Variants in CNTNAP2 observed in about 807,000 individuals in gnomAD.
CNTNAP2 encodes the protein contactin associated protein 2.
Under a neutral mutation model 155.2 loss-of-function variants are expected in CNTNAP2, and 98 were observed. The ratio of observed to expected loss-of-function variants is 0.63; its 90% CI spans 0.54 to 0.75. The LOEUF (loss-of-function observed/expected upper bound fraction) is 0.75. Among genes scored for constraint, CNTNAP2 ranks in the 30% least tolerant of loss-of-function variants. The pLI, the probability that CNTNAP2 is intolerant of heterozygous loss-of-function variation, is 0.00. For missense variants in CNTNAP2, 1,727 were observed against 1,688.1 expected (o/e 1.02, Z -0.40); for synonymous variants, 651 against 631.2 (o/e 1.03, Z -0.47).
intron 5 of CNTNAP2, among the ~76,000 whole-genome samples, chr7:147,114,640 T>G (rs1430200142): frequency 6.6e-6 from 1 of 152,170 alleles, no homozygotes; most frequent in East Asian, 1.9e-4. Flanking sequence ...AACCCCTGCT[T>G]TTTTCTGTTT....
intron 1 of CNTNAP2, among the ~76,000 whole-genome samples, chr7:146,359,713 C>G (rs1006587466): frequency 1.3e-5 from 2 of 152,034 alleles, no homozygotes; most frequent in Non-Finnish European, 2.9e-5. Context: ...AATGTAATAG[C>G]ATATTTTATG....
At chr7:147,110,444 C>T (rs1277112103) in intron 5 of CNTNAP2, among the ~76,000 whole-genome samples, 3 of 151,758 alleles carry the variant, frequency 2.0e-5, no homozygotes, top group East Asian at 1.9e-4. Context: ...TGTGCCGTGA[C>T]GGTTGTCTGC....
intron 4 of CNTNAP2, among the ~76,000 whole-genome samples, chr7:147,076,234 T>G (rs988662312): frequency 2.6e-5 from 4 of 152,212 alleles, no homozygotes; most frequent in Non-Finnish European, 4.4e-5. Flanking sequence ...TTGAACTAGT[T>G]TACAGTCCCA....
At chr7:148,159,400 A>G (rs1805473275) in intron 17 of CNTNAP2, among the ~76,000 whole-genome samples, 1 of 152,010 alleles carries the variant, frequency 6.6e-6, no homozygotes, top group Non-Finnish European at 1.5e-5. Context: ...CATGCTTTAT[A>G]TGGGTGGCAT....
chr7:146,159,697 A>T (rs367796825), intron 1 of CNTNAP2, among the ~76,000 whole-genome samples: 4 of 152,348 alleles, frequency 2.6e-5, no homozygotes, highest in Admixed American at 1.3e-4. Context: ...TAACTATCCT[A>T]AATATATATG....
chr7:147,339,386 C>A (rs924923000), intron 9 of CNTNAP2, among the ~76,000 whole-genome samples: 2 of 151,988 alleles, frequency 1.3e-5, no homozygotes, highest in East Asian at 3.9e-4. Flanking sequence ...AATATGACTT[C>A]TTCTTTCATT....
At chr7:146,411,846 A>ATTTATTTATTTT (rs1554429873) in intron 1 of CNTNAP2, among the ~76,000 whole-genome samples, 39 of 85,180 alleles carry the variant, frequency 4.6e-4, no homozygotes, top group African/African-American at 1.1e-3. Flanking sequence ...TTATTTATTT[A>ATTTATTTATTTT]TTTTATTTGA....
chr7:146,683,366 G>A (rs937850860), intron 1 of CNTNAP2, among the ~76,000 whole-genome samples: 1 of 152,118 alleles, frequency 6.6e-6, no homozygotes, highest in Admixed American at 6.6e-5. Flanking sequence ...GTGATTTGGC[G>A]GGGAGTGGGA....
At chr7:147,553,774 C>G (rs751750720) in intron 11 of CNTNAP2, among the ~76,000 whole-genome samples, 31 of 152,008 alleles carry the variant, frequency 2.0e-4, no homozygotes, top group Non-Finnish European at 4.1e-4. Context: ...TGTAAGAGAC[C>G]AGTCTGGCCA....
At chr7:146,812,692 A>G (rs191090890) in intron 2 of CNTNAP2, among the ~76,000 whole-genome samples, 4 of 152,162 alleles carry the variant, frequency 2.6e-5, no homozygotes, top group Non-Finnish European at 4.4e-5. Flanking sequence ...AGAAATTTGC[A>G]TAAGTAACAT....
Position 148,003,011 on chromosome 7 carries a change from C to T in CNTNAP2, c.2383+25022C>T, listed in dbSNP as rs191014061. On this transcript the variant is annotated intron_variant, in intron 15 of 23. Transcript: ENST00000361727. ...GATGAAATGGGTATTTTGATCAGCACGGGGAGCAGTCAGTGGGCCTACAGA... is the reference window on the plus strand; with the variant it reads ...GATGAAATGGGTATTTTGATCAGCATGGGGAGCAGTCAGTGGGCCTACAGA... 1.9e-3 allele frequency among the ~76,000 whole-genome samples: 288 copies of T among 152,206 alleles called. 2 individuals carry two copies. The highest frequency in any genetic ancestry group is 2.6e-3 in the Non-Finnish European group (175 of 68,016).
At chr7:146,391,666 T>TTAC (rs1402272774) in intron 1 of CNTNAP2, among the ~76,000 whole-genome samples, 1 of 152,172 alleles carries the variant, frequency 6.6e-6, no homozygotes, top group Non-Finnish European at 1.5e-5. Flanking sequence ...TACATACCTG[T>TTAC]GGTATTTGGT....
chr7:146,342,701 G>C (rs1204952691), intron 1 of CNTNAP2, among the ~76,000 whole-genome samples: 1 of 152,100 alleles, frequency 6.6e-6, no homozygotes, highest in Non-Finnish European at 1.5e-5. Flanking sequence ...GAGTAATGCT[G>C]TGCTAAATAC....
intron 9 of CNTNAP2, among the ~76,000 whole-genome samples, chr7:147,323,910 A>G (rs1220814030): frequency 6.6e-6 from 1 of 152,124 alleles, no homozygotes; most frequent in African/African-American, 2.4e-5. Flanking sequence ...TGAGAGAAAA[A>G]TGGACCATTT....
chr7:148,383,535 A>G (rs1768038363), intron 21 of CNTNAP2, 114 bp from the exon 22 acceptor site: 1 of 1,451,486 alleles, frequency 6.9e-7, no homozygotes, highest in African/African-American at 1.4e-5. Context: ...ACAATGTAAC[A>G]TCTTAAACTG....
At chr7:146,433,677 T>G (rs1040132943) in intron 1 of CNTNAP2, among the ~76,000 whole-genome samples, 1 of 152,278 alleles carries the variant, frequency 6.6e-6, no homozygotes, top group South Asian at 2.1e-4. Context: ...TGCAAAATGC[T>G]TCTCTATACA....
intron 20 of CNTNAP2, among the ~76,000 whole-genome samples, chr7:148,266,626 G>A (rs1243153364): frequency 6.6e-6 from 1 of 152,038 alleles, no homozygotes; most frequent in Non-Finnish European, 1.5e-5. Flanking sequence ...ATGTGTGTGT[G>A]TGTGATCATG....
At chr7:147,052,269 A>G (rs1799486784) in intron 4 of CNTNAP2, among the ~76,000 whole-genome samples, 1 of 152,162 alleles carries the variant, frequency 6.6e-6, no homozygotes, top group African/African-American at 2.4e-5. Context: ...AATAAAGTCA[A>G]CTGCAAGATA....
chr7:146,167,557 G>A (rs1032754990), intron 1 of CNTNAP2, among the ~76,000 whole-genome samples: 2 of 152,178 alleles, frequency 1.3e-5, no homozygotes, highest in Non-Finnish European at 2.9e-5. Flanking sequence ...AAAATGTGTG[G>A]TTCAGATGAA....
Sources: allele counts gnomAD v4.1 joint callset (sites outside exome capture counted in the v4.1 genomes callset), GRCh38; gene constraint gnomAD v4.1.1; transcripts MANE v1.5; gene names NCBI Gene and HGNC (gene_info 2026-07-23, HGNC 2026-07-21).